The following DOK6 variants were observed in gnomAD, a reference collection of about 807,000 sequenced individuals.
DOK6 encodes downstream of tyrosine kinase 6.
Under a neutral mutation model 44.0 loss-of-function variants are expected in DOK6, and 22 were observed. The observed-to-expected ratio is 0.50, with a 90% confidence interval of 0.36 to 0.71. The LOEUF is 0.71. DOK6 is among the 30% of genes least tolerant of loss of function. The probability of loss-of-function intolerance (pLI) is 0.00; values close to 1 mark genes in which losing one functional copy is unlikely to be tolerated. For missense variants in DOK6, 340 were observed against 416.4 expected (o/e 0.82, Z 1.60); for synonymous variants, 166 against 145.5 (o/e 1.14, Z -1.01).
chr18:69,402,459 G>C (rs1378936006), intron 1 of DOK6, among the ~76,000 whole-genome samples: 5 of 152,218 alleles, frequency 3.3e-5, no homozygotes, highest in African/African-American at 7.2e-5. Context: ...TAGTGTTAGA[G>C]AGTGGAAGAA....
At chr18:69,733,548 A>G (rs936046741) in intron 5 of DOK6, among the ~76,000 whole-genome samples, 10 of 152,228 alleles carry the variant, frequency 6.6e-5, no homozygotes, top group Non-Finnish European at 1.0e-4. Context: ...ACACTTATCC[A>G]CCCACTTTAC....
chr18:69,712,958 G>A (rs138348218), intron 5 of DOK6, among the ~76,000 whole-genome samples: 27 of 152,310 alleles, frequency 1.8e-4, no homozygotes, highest in African/African-American at 5.8e-4. Context: ...TGGAAAAGAT[G>A]CTTGAAAATA....
chr18:69,535,103 G>T (rs894801565), intron 1 of DOK6, among the ~76,000 whole-genome samples: 2 of 152,100 alleles, frequency 1.3e-5, no homozygotes, highest in Non-Finnish European at 2.9e-5. Flanking sequence ...TTGCACAAGA[G>T]ATCTTATAAG....
chr18:69,565,368 GATT>G (rs1158988991), intron 2 of DOK6, among the ~76,000 whole-genome samples: 2 of 151,672 alleles, frequency 1.3e-5, no homozygotes, highest in Non-Finnish European at 2.9e-5. Flanking sequence ...TTTAAAAATA[GATT>G]ATTTGACAAT....
chr18:69,450,590 C>T lies in DOK6; in HGVS notation c.66+49280C>T, dbSNP rs1215910784. The stretch of plus-strand genomic sequence containing the variant: ...CAAAGATACTCCTCGAGAAGAGCAA[C>T]TCCAAGACACATAATTGTCAGATTC... On this transcript the variant is annotated intron_variant, in intron 1 of 7. Coordinates refer to ENST00000382713, the MANE Select transcript of DOK6 (RefSeq NM_152721.6). 1.3e-4 allele frequency among the ~76,000 whole-genome samples: 19 copies of T among 149,890 alleles called. No individual in the cohort carries two copies. In the Admixed American group the frequency reaches 1.3e-3, roughly 10 times the overall value.
chr18:69,742,265 T>C (rs1218966709), intron 6 of DOK6, among the ~76,000 whole-genome samples: 1 of 151,276 alleles, frequency 6.6e-6, no homozygotes, highest in Admixed American at 6.6e-5. Flanking sequence ...AAATACAAAA[T>C]TAGCCAGGCA....
chr18:69,432,383 G>T (rs1274802291), intron 1 of DOK6, among the ~76,000 whole-genome samples: 1 of 152,184 alleles, frequency 6.6e-6, no homozygotes, highest in East Asian at 1.9e-4. Context: ...GGTCAAGGCT[G>T]CAGTGAGCCG....
intron 2 of DOK6, among the ~76,000 whole-genome samples, chr18:69,598,872 AT>A (rs1336754777): frequency 6.6e-6 from 1 of 152,032 alleles, no homozygotes; most frequent in Non-Finnish European, 1.5e-5. Flanking sequence ...CACTATGAGC[AT>A]TTTTCTGGAG....
chr18:69,694,321 T>A (rs1252150334), intron 4 of DOK6, among the ~76,000 whole-genome samples: 1 of 151,798 alleles, frequency 6.6e-6, no homozygotes, highest in East Asian at 1.9e-4. Flanking sequence ...AGGCCTTCCC[T>A]GGGCATGGTC....
chr18:69,659,698 C>T (rs1264188468), intron 3 of DOK6: 1 of 151,822 alleles, frequency 6.6e-6, no homozygotes, highest in African/African-American at 2.4e-5. Flanking sequence ...GGACGTTAAT[C>T]TGACTGTGCC....
chr18:69,723,840 G>T (rs918989975), intron 5 of DOK6, among the ~76,000 whole-genome samples: 1 of 152,134 alleles, frequency 6.6e-6, no homozygotes, highest in African/African-American at 2.4e-5. Context: ...CTTTTCCAAG[G>T]CATCCAAGCT....
intron 3 of DOK6, among the ~76,000 whole-genome samples, chr18:69,639,873 G>A (rs1123596): frequency 0.51 from 78,005 of 151,900 alleles, 20,501 homozygotes; most frequent in Admixed American, 0.65. Flanking sequence ...CTGTCCCAAA[G>A]CTAAGCAAGA....
At chr18:69,638,085 A>C (rs1315930556) in intron 3 of DOK6, among the ~76,000 whole-genome samples, 2 of 152,188 alleles carry the variant, frequency 1.3e-5, no homozygotes, top group Non-Finnish European at 2.9e-5. Context: ...GTTTCTTTAG[A>C]GCAGAAGTTG....
In DOK6 at chr18:69,405,649, A is replaced by G. The variant is rs144512578; in HGVS notation, c.66+4339A>G. On this transcript the variant is annotated intron_variant, in intron 1 of 7. Coordinates refer to ENST00000382713, the MANE Select transcript of DOK6 (RefSeq NM_152721.6). ...AATAAATAGAAATGTGCATATGTGC[A>G]TTTGTATATTTTGTCCTTTAGACCA... is the stretch of plus-strand genomic sequence containing the variant. 6.3e-3 allele frequency among the ~76,000 whole-genome samples: 954 copies of G among 152,276 alleles called. 4 individuals carry two copies. Among genetic ancestry groups the G allele is most frequent in the Non-Finnish European group, 0.011 (737 of 68,024 alleles).
At chr18:69,685,625 T>G (rs1345747597) in intron 4 of DOK6, among the ~76,000 whole-genome samples, 1 of 152,174 alleles carries the variant, frequency 6.6e-6, no homozygotes, top group Non-Finnish European at 1.5e-5. Context: ...GCCTAGACAT[T>G]TCTATTTTAA....
chr18:69,494,286 G>A (rs943470670), intron 1 of DOK6, among the ~76,000 whole-genome samples: 1 of 152,066 alleles, frequency 6.6e-6, no homozygotes, highest in African/African-American at 2.4e-5. Context: ...GACCAGTCTG[G>A]CCAACATGGT....
intron 1 of DOK6, among the ~76,000 whole-genome samples, chr18:69,434,792 C>T (rs932966322): frequency 6.6e-6 from 1 of 151,852 alleles, no homozygotes; most frequent in Non-Finnish European, 1.5e-5. Context: ...CACTGTGGCA[C>T]CCGCCTGTAA....
intron 5 of DOK6, among the ~76,000 whole-genome samples, chr18:69,719,006 G>T (rs1324643926): frequency 6.6e-6 from 1 of 152,138 alleles, no homozygotes; most frequent in African/African-American, 2.4e-5. Context: ...CTTAGAAGAA[G>T]AATAGAGCTG....
At chr18:69,571,774 T>A (rs917669419) in intron 2 of DOK6, among the ~76,000 whole-genome samples, 3 of 152,014 alleles carry the variant, frequency 2.0e-5, no homozygotes, top group African/African-American at 7.2e-5. Flanking sequence ...AATTTCACAA[T>A]CTATATTGAA....
Sources: gnomAD v4.1 joint callset for allele counts (sites outside exome capture counted in the v4.1 genomes callset) on GRCh38, gnomAD v4.1.1 for gene constraint, MANE v1.5 for transcripts, NCBI Gene and HGNC (gene_info 2026-07-23, HGNC 2026-07-21) for gene names.